Variants in MAPK10 observed in about 807,000 individuals in gnomAD.
MAPK10 encodes JNK3 alpha protein kinase.
In MAPK10, 25 loss-of-function variants were observed where a neutral mutation model predicts 59.3. The observed-to-expected ratio is 0.42, with a 90% CI of 0.31 to 0.59. The LOEUF (loss-of-function observed/expected upper bound fraction) is 0.59, where lower values mean the gene tolerates loss of function less well. MAPK10 is among the 20% of genes least tolerant of loss of function. The pLI is 0.15. For synonymous variants in MAPK10, 190 were observed against 200.5 expected, an observed-to-expected ratio of 0.95 and a Z score of 0.44; for missense variants, 351 against 568.9, an observed-to-expected ratio of 0.62 and a Z score of 3.90.
At chr4:86,563,841 A>T (rs1048595031) in intron 1 of MAPK10, among the ~76,000 whole-genome samples, 3 of 151,718 alleles carry the variant, frequency 2.0e-5, no homozygotes, top group Non-Finnish European at 4.4e-5. Flanking sequence ...TTAAATTATT[A>T]TTTTTTTTGA....
chr4:86,205,546 A>C (rs1376979135), intron 2 of MAPK10, among the ~76,000 whole-genome samples: 1 of 152,008 alleles, frequency 6.6e-6, no homozygotes, highest in Non-Finnish European at 1.5e-5. Flanking sequence ...GTATAATCTT[A>C]TGAACACACA....
intron 2 of MAPK10, among the ~76,000 whole-genome samples, chr4:86,208,062 G>C (rs564184184): frequency 0.085 from 12,846 of 151,980 alleles, 1,198 homozygotes; most frequent in African/African-American, 0.23. Flanking sequence ...TCTCTGAATA[G>C]ACCAATAACA....
At position 86,207,457 on chromosome 4, in the gene MAPK10, G is replaced by A. The variant is rs1479161642; in HGVS notation, c.-6-13050C>T. ...CTGTTTTGGTTACTGTAGCCTTGTA[G>A]GATAGTTTGAAGTCAGGTAGCGTGA... On this transcript the variant is annotated intron_variant, in intron 2 of 13. Coordinates refer to ENST00000641462, the MANE Select transcript of MAPK10 (RefSeq NM_138982.4). Among the ~76,000 whole-genome samples, 4 of 152,140 alleles carry A rather than the reference G, an allele frequency of 2.6e-5. No individual in the cohort carries two copies. The South Asian group carries it at 6.2e-4, about 24-fold the overall frequency.
At chr4:86,516,949 C>A (rs1756715974) in intron 1 of MAPK10, among the ~76,000 whole-genome samples, 1 of 152,074 alleles carries the variant, frequency 6.6e-6, no homozygotes, top group Middle Eastern at 3.2e-3. Flanking sequence ...CAGTACTATG[C>A]TAAATAGAAG....
rs191162522 is a variant in MAPK10 at position 86,282,134 on chromosome 4, T to C, written c.-7+72396A>G. Among the ~76,000 whole-genome samples the C allele has an allele frequency of 5.8e-3, 884 of 152,284 alleles. 8 individuals carry two copies. Among genetic ancestry groups the C allele is most frequent in the African/African-American group, 0.02 (832 of 41,572 alleles). ...TTCAAGAAAAACTCTTAATTAAAAA[T>C]TTAGATGATCTGATTATAGAGATAA... On this transcript the variant is annotated intron_variant, in intron 2 of 13. Coordinates refer to ENST00000641462, the MANE Select transcript of MAPK10 (RefSeq NM_138982.4).
chr4:86,097,127 A>G (rs372511406), intron 9 of MAPK10, among the ~76,000 whole-genome samples: 1 of 152,170 alleles, frequency 6.6e-6, no homozygotes, highest in East Asian at 1.9e-4. Context: ...TTAGTAATAT[A>G]TTTTACATGC....
intron 2 of MAPK10, among the ~76,000 whole-genome samples, chr4:86,258,323 GT>G (rs1332460719): frequency 6.6e-6 from 1 of 151,906 alleles, no homozygotes; most frequent in Non-Finnish European, 1.5e-5. Context: ...GGAGGAGCTC[GT>G]TCTCCATTTA....
intron 4 of MAPK10, chr4:86,107,557 T>A (rs1431854458): frequency 8.5e-7 from 1 of 1,181,990 alleles, no homozygotes; most frequent in East Asian, 3.9e-5. Flanking sequence ...GAAGAAGAGT[T>A]GGAGGAAGGG....
At chr4:86,192,543 T>C (rs2080187227) in intron 3 of MAPK10, 1 of 151,988 alleles carries the variant, frequency 6.6e-6, no homozygotes, top group Admixed American at 6.6e-5. Context: ...TCTGATATCC[T>C]TTCTTCCGCT....
At chr4:86,146,056 G>T (rs1327956020) in intron 4 of MAPK10, among the ~76,000 whole-genome samples, 1 of 152,190 alleles carries the variant, frequency 6.6e-6, no homozygotes, top group Non-Finnish European at 1.5e-5. Flanking sequence ...GGAGACCAGA[G>T]ACTACTTGCT....
At chr4:86,204,282 T>G (rs1467219729) in intron 2 of MAPK10, among the ~76,000 whole-genome samples, 3 of 151,934 alleles carry the variant, frequency 2.0e-5, no homozygotes, top group Non-Finnish European at 2.9e-5. Context: ...ACAAAATAAT[T>G]TCTAAAATAA....
At chr4:86,047,796 A>T (rs2042790738) in intron 11 of MAPK10, among the ~76,000 whole-genome samples, 1 of 152,186 alleles carries the variant, frequency 6.6e-6, no homozygotes, top group African/African-American at 2.4e-5. Flanking sequence ...ATATGATAAG[A>T]AGCCATTGGA....
chr4:86,224,498 C>G (rs1024642654), intron 2 of MAPK10, among the ~76,000 whole-genome samples: 1 of 152,064 alleles, frequency 6.6e-6, no homozygotes, highest in African/African-American at 2.4e-5. Flanking sequence ...GCAGAGGAAG[C>G]ATAGAGAATG....
rs189586460 is a variant in MAPK10 at position 86,055,870 on chromosome 4, A to C, written c.1110+8396T>G. Among the ~76,000 whole-genome samples the C allele has an allele frequency of 3.1e-4, 47 of 150,210 alleles. 3 individuals are homozygous for C. Among genetic ancestry groups the C allele is most frequent in the African/African-American group, 1.1e-3 (45 of 40,242 alleles). The stretch of plus-strand genomic sequence containing the variant: ...CTTGAGAGTTGCTATTAAATTTTAT[A>C]TAATAAACTTCACTTGCAAACTGAC... On this transcript the variant is annotated intron_variant, in intron 11 of 13. Coordinates refer to ENST00000641462, the MANE Select transcript of MAPK10 (RefSeq NM_138982.4).
In MAPK10 at chr4:86,181,741, T is replaced by C. The variant is rs149519550; in HGVS notation, c.66+12595A>G. ...AGATGCCCTGGTCCTGACCCTGAGA[T>C]AGTACCACTGAATGGGGAAAACAAA... On this transcript the variant is annotated intron_variant, in intron 3 of 13. Transcript: ENST00000641462. 5.8e-3 allele frequency among the ~76,000 whole-genome samples: 881 copies of C among 152,204 alleles called. 6 individuals are homozygous for C. Among genetic ancestry groups the C allele is most frequent in the Middle Eastern group, 0.034 (10 of 294 alleles).
At chr4:86,138,684 A>G (rs2062833615) in intron 4 of MAPK10, among the ~76,000 whole-genome samples, 2 of 150,978 alleles carry the variant, frequency 1.3e-5, no homozygotes, top group Admixed American at 1.3e-4. Flanking sequence ...AGTTCTGGCC[A>G]GGGCAATTAG....
At chr4:86,582,861 TTGAA>T (rs1762397257) in intron 1 of MAPK10, among the ~76,000 whole-genome samples, 1 of 152,154 alleles carries the variant, frequency 6.6e-6, no homozygotes, top group Non-Finnish European at 1.5e-5. Flanking sequence ...GTGGTTATAT[TTGAA>T]TGTGTTATTA....
intron 1 of MAPK10, chr4:86,383,978 C>G (rs1215169087): frequency 6.6e-6 from 1 of 152,160 alleles, no homozygotes; most frequent in Non-Finnish European, 1.5e-5. Flanking sequence ...TTCGATCTCT[C>G]AGAAGACATA....
chr4:86,166,041 T>C (rs530916409), intron 3 of MAPK10, among the ~76,000 whole-genome samples: 1 of 152,082 alleles, frequency 6.6e-6, no homozygotes, highest in African/African-American at 2.4e-5. Flanking sequence ...TCTTTACATA[T>C]GAAGGTATGG....
Sources: gnomAD v4.1 joint callset for allele counts (sites outside exome capture counted in the v4.1 genomes callset) on GRCh38, gnomAD v4.1.1 for gene constraint, MANE v1.5 for transcripts, NCBI Gene and HGNC (gene_info 2026-07-23, HGNC 2026-07-21) for gene names.